The following FAR2 variants were observed in gnomAD, a reference collection of about 807,000 sequenced individuals.
The protein encoded by FAR2 is epididymis secretory protein Li 81.
FAR2 carries 19 observed loss-of-function variants against 56.0 expected under a neutral mutation model. The observed-to-expected ratio is 0.34, with a 90% confidence interval of 0.24 to 0.50. The LOEUF (loss-of-function observed/expected upper bound fraction) is 0.50. Among genes scored for constraint, FAR2 ranks in the 20% least tolerant of loss-of-function variants. FAR2 has a pLI of 0.98. For missense variants in FAR2, 508 were observed against 642.2 expected (o/e 0.79, Z 2.26); for synonymous variants, 219 against 218.8 (o/e 1.00, Z -0.01).
At chr12:29,227,973 G>A (rs1947796299) in intron 1 of FAR2, among the ~76,000 whole-genome samples, 1 of 151,920 alleles carries the variant, frequency 6.6e-6, no homozygotes, top group Admixed American at 6.6e-5. Context: ...ACACACTGGG[G>A]CCTATCGTGG....
At chr12:29,196,402 TC>T (rs1283437381) in intron 1 of FAR2, among the ~76,000 whole-genome samples, 1 of 152,184 alleles carries the variant, frequency 6.6e-6, no homozygotes, top group Non-Finnish European at 1.5e-5. Context: ...CCTGGTGATG[TC>T]TCATTGTGCT....
At chr12:29,247,493 C>T (rs1014802913) in intron 1 of FAR2, among the ~76,000 whole-genome samples, 1 of 152,154 alleles carries the variant, frequency 6.6e-6, no homozygotes, top group Admixed American at 6.5e-5. Context: ...CAATAGTCTT[C>T]TTGGTGGACT....
chr12:29,279,557 C>G (rs1328341229), intron 2 of FAR2, among the ~76,000 whole-genome samples: 1 of 152,140 alleles, frequency 6.6e-6, no homozygotes, highest in African/African-American at 2.4e-5. Flanking sequence ...ACAGACATGG[C>G]TTTTTCTTGG....
At chr12:29,244,214 G>A (rs1259299069) in intron 1 of FAR2, among the ~76,000 whole-genome samples, 1 of 152,028 alleles carries the variant, frequency 6.6e-6, no homozygotes, top group Non-Finnish European at 1.5e-5. Flanking sequence ...GACTATTTTG[G>A]TCACTTCATG....
chr12:29,203,916 C>T lies in FAR2; in HGVS notation c.-39+54509C>T, dbSNP rs567245892. On this transcript the variant is annotated intron_variant, in intron 1 of 11. Coordinates refer to ENST00000536681, the MANE Select transcript of FAR2 (RefSeq NM_001271783.2). ...TCGGGAGGCTGAGGCAGGAGAATGG[C>T]GTGAACCTGGGAGGCGGAGCTTGCA... 3.4e-3 allele frequency among the ~76,000 whole-genome samples: 462 copies of T among 134,018 alleles called. 2 individuals carry two copies. Among genetic ancestry groups the T allele is most frequent in the African/African-American group, 0.012 (437 of 36,364 alleles). 87.9% of individuals were successfully genotyped at this position (134,018 alleles called of 152,430 possible).
intron 1 of FAR2, among the ~76,000 whole-genome samples, chr12:29,254,879 G>A (rs556129821): frequency 4.2e-4 from 64 of 151,926 alleles, no homozygotes; most frequent in African/African-American, 1.5e-3. Context: ...CTTGAACCCA[G>A]GAGGCGGAGG....
chr12:29,245,106 G>A (rs2349975), intron 1 of FAR2, among the ~76,000 whole-genome samples: 57,008 of 151,720 alleles, frequency 0.38, 10,857 homozygotes, highest in African/African-American at 0.42. Flanking sequence ...TCAGCCTCCC[G>A]AGTAGCTGGG....
At chr12:29,264,661 G>GTAAATAA (rs1948482253) in intron 1 of FAR2, among the ~76,000 whole-genome samples, 1 of 29,372 alleles carries the variant, frequency 3.4e-5, no homozygotes. Context: ...ATAAATAAAG[G>GTAAATAA]AGAGAGAGAG....
chr12:29,270,657 C>G lies in FAR2; in HGVS notation c.189+19C>G. 2 of 1,581,980 alleles carry G rather than the reference C, an allele frequency of 1.3e-6. No individual in the cohort carries two copies. Among genetic ancestry groups the G allele is most frequent in the Non-Finnish European group, 1.7e-6 (2 of 1,159,110 alleles). On this transcript the variant is annotated intron_variant, in intron 2 of 11. Coordinates refer to ENST00000536681, the MANE Select transcript of FAR2 (RefSeq NM_001271783.2). ...CAGTAAGGTATGCCTTATAGGAAAG[C>G]GTGTGTGATGGGCAATGCCTTAGGG...
intron 10 of FAR2, among the ~76,000 whole-genome samples, chr12:29,330,998 C>A (rs560692564): frequency 6.6e-6 from 1 of 152,238 alleles, no homozygotes; most frequent in South Asian, 2.1e-4. Flanking sequence ...GACCTAAATT[C>A]TATAATTCAT....
intron 4 of FAR2, among the ~76,000 whole-genome samples, chr12:29,302,486 T>C (rs941536222): frequency 5.9e-5 from 9 of 152,088 alleles, no homozygotes; most frequent in Non-Finnish European, 2.9e-5. Context: ...CCAGGCGTGT[T>C]TGGGACACAG....
chr12:29,175,161 G>A (rs576450403), intron 1 of FAR2, among the ~76,000 whole-genome samples: 1 of 152,318 alleles, frequency 6.6e-6, no homozygotes, highest in Admixed American at 6.5e-5. Flanking sequence ...GCAAGTGAAA[G>A]GGATCCGATG....
chr12:29,293,543 G>T, intron 3 of FAR2, 68 bp downstream of exon 3: 4 of 1,160,980 alleles, frequency 3.4e-6, no homozygotes, highest in South Asian at 3.1e-5. Context: ...CATAGTTTCT[G>T]TAAAAAAAAA....
At chr12:29,181,513 T>C (rs951402106) in intron 1 of FAR2, among the ~76,000 whole-genome samples, 1 of 152,194 alleles carries the variant, frequency 6.6e-6, no homozygotes, top group Non-Finnish European at 1.5e-5. Flanking sequence ...AAACTTTCAG[T>C]GCCTCTCCTC....
chr12:29,251,857 G>A (rs1471861038), intron 1 of FAR2, among the ~76,000 whole-genome samples: 2 of 152,118 alleles, frequency 1.3e-5, no homozygotes, highest in Non-Finnish European at 2.9e-5. Flanking sequence ...CCCAGAGCCA[G>A]GATTCATGGG....
At position 29,273,683 on chromosome 12, in the gene FAR2, C is replaced by T. The variant is rs141874591; in HGVS notation, c.189+3045C>T. Among the ~76,000 whole-genome samples, 12 of 152,372 alleles carry T rather than the reference C, an allele frequency of 7.9e-5. No individual in the cohort carries two copies. In the East Asian group the frequency reaches 2.3e-3, roughly 29 times the overall value. On this transcript the variant is annotated intron_variant, in intron 2 of 11. Coordinates refer to ENST00000536681, the MANE Select transcript of FAR2 (RefSeq NM_001271783.2). The stretch of plus-strand genomic sequence containing the variant: ...ATGGCAGCCAGGGCTCGTCGCCCCT[C>T]TGCCCCCAGGAGTTCAGTAGGCTTA...
chr12:29,194,159 A>G (rs1950125849), intron 1 of FAR2, among the ~76,000 whole-genome samples: 2 of 152,258 alleles, frequency 1.3e-5, no homozygotes, highest in Admixed American at 6.5e-5. Flanking sequence ...ATTATTTCCT[A>G]GAGGAATAAA....
intron 1 of FAR2, among the ~76,000 whole-genome samples, chr12:29,189,302 C>T (rs11615615): frequency 0.27 from 41,203 of 152,040 alleles, 6,951 homozygotes; most frequent in Admixed American, 0.42. Flanking sequence ...CCAAATACTA[C>T]GTTATTTATT....
intron 1 of FAR2, among the ~76,000 whole-genome samples, chr12:29,245,916 A>C (rs1437957862): frequency 6.6e-6 from 1 of 152,132 alleles, no homozygotes; most frequent in African/African-American, 2.4e-5. Context: ...CTTCTTATTC[A>C]AAACCAGCTT....
Sources: gnomAD v4.1 joint callset for allele counts (sites outside exome capture counted in the v4.1 genomes callset) on GRCh38, gnomAD v4.1.1 for gene constraint, MANE v1.5 for transcripts, NCBI Gene and HGNC (gene_info 2026-07-23, HGNC 2026-07-21) for gene names.